Variants in TMEM65 observed in about 807,000 individuals in gnomAD.
The protein encoded by TMEM65 is transmembrane protein 65.
In TMEM65, 22 loss-of-function variants were observed where a neutral mutation model predicts 25.4. That is an observed-to-expected ratio of 0.86 (90% CI 0.62 to 1.23). The LOEUF is 1.23. Among genes scored for constraint, TMEM65 ranks in the 50% most tolerant of loss-of-function variants. TMEM65 has a pLI of 0.00. For synonymous variants in TMEM65, 132 were observed against 126.2 expected, an observed-to-expected ratio of 1.05 and a Z score of -0.31; for missense variants, 262 against 308.2, an observed-to-expected ratio of 0.85 and a Z score of 1.12.
chr8:124,367,062 A>T (rs941737182), intron 1 of TMEM65, among the ~76,000 whole-genome samples: 1 of 152,228 alleles, frequency 6.6e-6, no homozygotes, highest in Non-Finnish European at 1.5e-5. Context: ...CAACAAAGGC[A>T]CTGAAATATC....
intron 1 of TMEM65, among the ~76,000 whole-genome samples, chr8:124,349,335 A>T (rs923821131): frequency 2.6e-5 from 4 of 151,558 alleles, no homozygotes; most frequent in African/African-American, 7.3e-5. Flanking sequence ...CTTCAGATAC[A>T]TTTTTTTTAA....
At chr8:124,350,263 T>A (rs912227747) in intron 1 of TMEM65, among the ~76,000 whole-genome samples, 10 of 152,192 alleles carry the variant, frequency 6.6e-5, no homozygotes, top group African/African-American at 2.2e-4. Flanking sequence ...TTAACTCTTA[T>A]CCCTACAAAA....
intron 1 of TMEM65, among the ~76,000 whole-genome samples, chr8:124,338,256 CTAT>C (rs904584935): frequency 2.0e-5 from 3 of 151,884 alleles, no homozygotes; most frequent in Admixed American, 6.5e-5. Flanking sequence ...CATTAATAGC[CTAT>C]TATTAGATAT....
chr8:124,335,889 TA>T (rs1814501371), intron 1 of TMEM65, among the ~76,000 whole-genome samples: 1 of 152,018 alleles, frequency 6.6e-6, no homozygotes, highest in Non-Finnish European at 1.5e-5. Flanking sequence ...ACCATATCAA[TA>T]ATTACATTCA....
In TMEM65 at chr8:124,330,767, G is replaced by A; in HGVS notation, c.330C>T (p.Thr110=). The A allele has an allele frequency of 6.3e-7, 1 of 1,584,850 alleles. No homozygotes were observed. Among genetic ancestry groups the A allele is most frequent in the Non-Finnish European group, 8.6e-7 (1 of 1,168,794 alleles). Residue 110 remains threonine, a synonymous_variant, in exon 2 of 7, where the codon ACC becomes ACT. Transcript: ENST00000297632. ...AQEKLEAPPP[T]PGQLRYVFIH... is the part of the protein sequence containing the mutation. ...CATTACCATATCTCAGCTGTCCTGG[G>A]GTGGGTGGTGGAGCTTCCAATTTTT... is the stretch of plus-strand genomic sequence containing the variant.
chr8:124,366,946 C>T (rs1204897878), intron 1 of TMEM65, among the ~76,000 whole-genome samples: 1 of 152,192 alleles, frequency 6.6e-6, no homozygotes, highest in African/African-American at 2.4e-5. Context: ...CATCAGAGAT[C>T]TCTCACTCCT....
rs537443397 is a variant in TMEM65, at chr8:124,355,690, A to T, written c.304+16164T>A. Among the ~76,000 whole-genome samples, 32 of 152,360 alleles carry T rather than the reference A, an allele frequency of 2.1e-4. No homozygotes were observed. The East Asian group carries it at 6.2e-3, about 29-fold the overall frequency. ...TGAAACACAGTCAAATTCAATTCAA[A>T]TTGATGGCTTATTTCTAAACCATAA... On this transcript the variant is annotated intron_variant, in intron 1 of 6. Coordinates refer to ENST00000297632, the MANE Select transcript of TMEM65 (RefSeq NM_194291.3).
intron 1 of TMEM65, among the ~76,000 whole-genome samples, chr8:124,361,997 TCTC>T (rs1180625462): frequency 6.6e-5 from 10 of 151,864 alleles, no homozygotes; most frequent in African/African-American, 2.2e-4. Context: ...TTCAAGCACT[TCTC>T]CTGCCTCAGC....
At chr8:124,351,758 A>T (rs10102946) in intron 1 of TMEM65, among the ~76,000 whole-genome samples, 55,929 of 151,946 alleles carry the variant, frequency 0.37, 10,575 homozygotes, top group East Asian at 0.56. Flanking sequence ...ATTTATATCC[A>T]TAAGTTCACC....
At chr8:124,352,289 A>G (rs952861796) in intron 1 of TMEM65, among the ~76,000 whole-genome samples, 2 of 152,130 alleles carry the variant, frequency 1.3e-5, no homozygotes, top group East Asian at 3.8e-4. Context: ...AAATTATATA[A>G]AGCAGGGATT....
Position 124,314,178 on chromosome 8 carries a change from T to A in TMEM65, c.622-117A>T, listed in dbSNP as rs1214265220. The A allele has an allele frequency of 8.2e-6, 6 of 736,180 alleles. No homozygotes were observed. The East Asian group carries it at 1.6e-4, about 20-fold the overall frequency. The allele number at this position is 736,180 out of a possible 1,614,324, so 45.6% of individuals were successfully genotyped here. A position where few individuals can be genotyped will look rare whatever the true frequency, so the allele number is the denominator to read the frequency against. ...TTGGATTTGCTACCCTTCATATATA[T>A]TCCTCTTCAATATTTATCCCTGTGT... On this transcript the variant is annotated intron_variant, in intron 6 of 6. Transcript: ENST00000297632.
rs1407538863 is a variant in TMEM65 at position 124,309,693 on chromosome 8, C to T, written c.*4267G>A. 1 of 152,222 alleles carries T rather than the reference C, an allele frequency of 6.6e-6. No homozygotes were observed. Among genetic ancestry groups the T allele is most frequent in the African/African-American group, 2.4e-5 (1 of 41,446 alleles). 9.4% of individuals were successfully genotyped at this position (152,222 alleles called of 1,614,324 possible). A position where few individuals can be genotyped will look rare whatever the true frequency, so the allele number is the denominator to read the frequency against. ...ACTTATGACCACTGGTACTTTCTAT[C>T]CTCTTTATCTTGTTTCATTTATCTC... On this transcript the variant is annotated 3_prime_UTR_variant, in exon 7 of 7. Coordinates refer to ENST00000297632, the MANE Select transcript of TMEM65 (RefSeq NM_194291.3).
intron 1 of TMEM65, among the ~76,000 whole-genome samples, chr8:124,348,653 A>C (rs185766493): frequency 3.4e-4 from 52 of 152,334 alleles, no homozygotes; most frequent in Non-Finnish European, 6.6e-4. Context: ...ATCTGTGAGT[A>C]GGGCTACACA....
chr8:124,333,379 C>G (rs562112696), intron 1 of TMEM65, among the ~76,000 whole-genome samples: 1 of 151,688 alleles, frequency 6.6e-6, no homozygotes, highest in Non-Finnish European at 1.5e-5. Flanking sequence ...AATAAACTAT[C>G]TACACTTACA....
At chr8:124,334,763 C>CA (rs34202764) in intron 1 of TMEM65, among the ~76,000 whole-genome samples, 3,833 of 85,774 alleles carry the variant, frequency 0.045, 171 homozygotes, top group African/African-American at 0.12. Context: ...GACTCCGTCT[C>CA]AAAAAAAAAA....
intron 1 of TMEM65, among the ~76,000 whole-genome samples, chr8:124,355,580 T>A (rs899311916): frequency 2.0e-5 from 3 of 152,240 alleles, no homozygotes; most frequent in African/African-American, 7.2e-5. Flanking sequence ...GATTCCCAGA[T>A]GATGTATGCA....
At chr8:124,371,716 G>T (rs547881259) in intron 1 of TMEM65, 138 bp downstream of exon 1, 10 of 851,810 alleles carry the variant, frequency 1.2e-5, no homozygotes, top group African/African-American at 1.8e-5. Context: ...CCCAGGCGTG[G>T]GGCCAGACAG....
Position 124,357,164 on chromosome 8 carries a change from T to C in TMEM65, c.304+14690A>G, listed in dbSNP as rs2131224012. On this transcript the variant is annotated intron_variant, in intron 1 of 6. Coordinates refer to ENST00000297632, the MANE Select transcript of TMEM65 (RefSeq NM_194291.3). ...ATAAACACTGGTGTTTTTCAGCATTTTCTCCTGGGATCTTCTCCTATCACT... is the reference window on the plus strand; with the variant it reads ...ATAAACACTGGTGTTTTTCAGCATTCTCTCCTGGGATCTTCTCCTATCACT... 1.3e-5 allele frequency among the ~76,000 whole-genome samples: 2 copies of C among 152,222 alleles called. 1 individual carries two copies. Among genetic ancestry groups the C allele is most frequent in the South Asian group, 4.2e-4 (2 of 4,814 alleles).
At chr8:124,366,644 G>A (rs747562665) in intron 1 of TMEM65, among the ~76,000 whole-genome samples, 5 of 151,524 alleles carry the variant, frequency 3.3e-5, no homozygotes, top group Admixed American at 6.6e-5. Context: ...GAAGTCACAC[G>A]TAACTCTGGA....
Sources: allele counts gnomAD v4.1 joint callset (sites outside exome capture counted in the v4.1 genomes callset), GRCh38; gene constraint gnomAD v4.1.1; transcripts MANE v1.5; gene names NCBI Gene and HGNC (gene_info 2026-07-23, HGNC 2026-07-21).